OSBP2: variants seen among roughly 807,000 people sequenced by gnomAD.
The protein encoded by OSBP2 is oxysterol binding protein 2, also known as oxysterol-binding protein 2.
In OSBP2, 66 loss-of-function variants were observed where a neutral mutation model predicts 96.0. The observed-to-expected ratio is 0.69, with a 90% confidence interval of 0.56 to 0.84. The LOEUF is 0.84. Ranked by LOEUF, OSBP2 falls within the 40% of genes least tolerant of loss-of-function variation. The pLI, the probability that OSBP2 is intolerant of heterozygous loss-of-function variation, is 0.00. For missense variants in OSBP2, 1,038 were observed against 1,222.7 expected (o/e 0.85, Z 2.25); for synonymous variants, 525 against 520.9 (o/e 1.01, Z -0.11).
intron 2 of OSBP2, among the ~76,000 whole-genome samples, chr22:30,841,331 C>T (rs963343687): frequency 6.6e-6 from 1 of 152,164 alleles, no homozygotes; most frequent in African/African-American, 2.4e-5. Flanking sequence ...TTTCTCCTGA[C>T]CCCTCAACCC....
At chr22:30,884,106 G>A (rs1371352129) in intron 3 of OSBP2, among the ~76,000 whole-genome samples, 1 of 152,138 alleles carries the variant, frequency 6.6e-6, no homozygotes, top group Admixed American at 6.5e-5. Context: ...ACACCCAAGG[G>A]ACAGCCTTAT....
intron 2 of OSBP2, among the ~76,000 whole-genome samples, chr22:30,764,923 T>C (rs530414426): frequency 6.6e-6 from 1 of 152,270 alleles, no homozygotes; most frequent in South Asian, 2.1e-4. Context: ...ACTTCTCTCT[T>C]ACTTTGAGGG....
intron 2 of OSBP2, among the ~76,000 whole-genome samples, chr22:30,752,144 G>A (rs937213195): frequency 6.6e-6 from 1 of 152,138 alleles, no homozygotes; most frequent in Non-Finnish European, 1.5e-5. Flanking sequence ...GCTCACTGCA[G>A]TAGTGATTCT....
At chr22:30,703,893 A>G (rs142267684) in intron 1 of OSBP2, among the ~76,000 whole-genome samples, 44 of 152,344 alleles carry the variant, frequency 2.9e-4, no homozygotes, top group African/African-American at 1.0e-3. Flanking sequence ...ATCCAACTGG[A>G]TAATACAACC....
intron 2 of OSBP2, among the ~76,000 whole-genome samples, chr22:30,825,223 C>T (rs2038372339): frequency 6.6e-6 from 1 of 152,138 alleles, no homozygotes. Context: ...CATGGTGGTT[C>T]ATGCCTGTAA....
chr22:30,888,027 A>G lies in OSBP2; in HGVS notation c.1301-196A>G, dbSNP rs1202779092. Among the ~76,000 whole-genome samples the G allele has an allele frequency of 2.0e-5, 3 of 152,266 alleles. No individual in the cohort carries two copies. The East Asian group carries it at 5.8e-4, about 29-fold the overall frequency. ...TCCAGAAAGAGGCTCCTGTGCGGTGAATGCGTTGAAAGCACATGATTCTAG... is the reference window on the plus strand; with the variant it reads ...TCCAGAAAGAGGCTCCTGTGCGGTGGATGCGTTGAAAGCACATGATTCTAG... On this transcript the variant is annotated intron_variant, in intron 4 of 13. Coordinates refer to ENST00000332585, the MANE Select transcript of OSBP2 (RefSeq NM_030758.4).
Position 30,695,580 on chromosome 22 carries a change from G to A in OSBP2, c.644+27G>A, listed in dbSNP as rs769148344. 3.6e-5 allele frequency: 57 copies of A among 1,581,312 alleles called. No homozygotes were observed. In the African/African-American group the frequency reaches 7.1e-4, roughly 20 times the overall value. On this transcript the variant is annotated intron_variant, in intron 1 of 13. Coordinates refer to ENST00000332585, the MANE Select transcript of OSBP2 (RefSeq NM_030758.4). ...TATGGAAGCGCCAGGGTGGGACATGGGGGTTGGAGGGTGGTGATGCTGCAG... is the reference window on the plus strand; with the variant it reads ...TATGGAAGCGCCAGGGTGGGACATGAGGGTTGGAGGGTGGTGATGCTGCAG...
Position 30,890,139 on chromosome 22 carries a change from C to G in OSBP2, c.1623+503C>G, listed in dbSNP as rs1037344390. Among the ~76,000 whole-genome samples, 8 of 152,198 alleles carry G rather than the reference C, an allele frequency of 5.3e-5. No individual in the cohort carries two copies. Among genetic ancestry groups the G allele is most frequent in the African/African-American group, 1.9e-4 (8 of 41,448 alleles). On this transcript the variant is annotated intron_variant, in intron 7 of 13. Coordinates refer to ENST00000332585, the MANE Select transcript of OSBP2 (RefSeq NM_030758.4). This position sits in a 1 kb window ranked among gnomAD's most constrained non-coding sequence, Gnocchi z 4.4. ...GAACAAGTTCCTTCACATCTCCAGCCTCTGTGTCCACATGTGTAGGGTGGG... is the reference window on the plus strand; with the variant it reads ...GAACAAGTTCCTTCACATCTCCAGCGTCTGTGTCCACATGTGTAGGGTGGG...
chr22:30,737,867 C>T (rs1298223800), intron 1 of OSBP2, among the ~76,000 whole-genome samples: 2 of 152,064 alleles, frequency 1.3e-5, no homozygotes, highest in Admixed American at 6.5e-5. Context: ...CATGCAACCA[C>T]CATGCCCTGC....
intron 2 of OSBP2, among the ~76,000 whole-genome samples, chr22:30,823,210 C>G (rs940993528): frequency 2.0e-5 from 3 of 152,212 alleles, no homozygotes; most frequent in Non-Finnish European, 2.9e-5. Context: ...CTCCCCGTCC[C>G]GTGGTGATCC....
intron 3 of OSBP2, among the ~76,000 whole-genome samples, chr22:30,886,520 G>A (rs2039814004): frequency 6.6e-6 from 1 of 152,142 alleles, no homozygotes; most frequent in Non-Finnish European, 1.5e-5. Flanking sequence ...GGAAGAAAAC[G>A]ATCTAGCTCT....
chr22:30,700,208 C>T (rs1299865394), intron 1 of OSBP2, among the ~76,000 whole-genome samples: 3 of 152,072 alleles, frequency 2.0e-5, no homozygotes, highest in Admixed American at 6.6e-5. Context: ...TCGTGATCCG[C>T]TTGCCTCGGC....
chr22:30,695,048 G>A lies in OSBP2; in HGVS notation c.139G>A (p.Gly47Arg), dbSNP rs2089000666. 2 of 1,590,514 alleles carry A rather than the reference G, an allele frequency of 1.3e-6. No homozygotes were observed. Among genetic ancestry groups the A allele is most frequent in the African/African-American group, 1.3e-5 (1 of 74,240 alleles). ...CATGAGCGCTTCCACGTCCGGCTCC[G>A]GGCCGGAGCCCAAGCCCCAGCCCCA... ...PGMSASTSGSGPEPKPQPQPV... is the reference protein window; with the variant it reads ...PGMSASTSGSRPEPKPQPQPV... The change falls in exon 1 of 14, where the codon GGG becomes AGG. Residue 47 changes from glycine to arginine, a missense_variant. By Grantham distance (125) the Gly-to-Arg change is moderately radical (BLOSUM62 -2). Coordinates refer to ENST00000332585, the MANE Select transcript of OSBP2 (RefSeq NM_030758.4).
intron 3 of OSBP2, among the ~76,000 whole-genome samples, chr22:30,880,368 C>A (rs1260806034): frequency 6.6e-6 from 1 of 152,240 alleles, no homozygotes; most frequent in Non-Finnish European, 1.5e-5. Context: ...CTGGACCAGC[C>A]GCAGATAAGA....
chr22:30,893,483 C>T lies in OSBP2; in HGVS notation c.2011C>T (p.Gln671Ter). The change falls in exon 10 of 14, where the codon CAG (glutamine) becomes TAG (stop). Residue 671 changes from glutamine to a stop codon, truncating the protein, a stop_gained. Transcript: ENST00000332585. LOFTEE classifies it high-confidence loss of function. Reference protein sequence around the residue: ...MPLGAIHLEFQASGNHYVWRK... With the variant: ...MPLGAIHLEF ...TCCAGGTGCCATCCACTTAGAATTCCAGGCCAGTGGGAATCACTACGTGTG... is the reference window on the plus strand; with the variant it reads ...TCCAGGTGCCATCCACTTAGAATTCTAGGCCAGTGGGAATCACTACGTGTG... 1 of 1,614,078 alleles carries T rather than the reference C, an allele frequency of 6.2e-7. No homozygotes were observed. The highest frequency in any genetic ancestry group is 8.5e-7 in the Non-Finnish European group (1 of 1,179,910).
chr22:30,823,204 C>G (rs899332656), intron 2 of OSBP2, among the ~76,000 whole-genome samples: 16 of 152,184 alleles, frequency 1.1e-4, no homozygotes, highest in African/African-American at 3.9e-4. Context: ...CCCTCCCTCC[C>G]CGTCCCGTGG....
intron 1 of OSBP2, among the ~76,000 whole-genome samples, chr22:30,727,207 T>C (rs2089665691): frequency 6.6e-6 from 1 of 152,164 alleles, no homozygotes; most frequent in South Asian, 2.1e-4. Context: ...ATGAACAAGC[T>C]GAGCTTCCTT....
chr22:30,702,183 C>T (rs541315164), intron 1 of OSBP2, among the ~76,000 whole-genome samples: 7 of 152,312 alleles, frequency 4.6e-5, no homozygotes, highest in African/African-American at 1.7e-4. Context: ...TCCCAGTTGC[C>T]GCATCATGGT....
At chr22:30,790,679 A>T (rs900774261) in intron 2 of OSBP2, among the ~76,000 whole-genome samples, 1 of 151,708 alleles carries the variant, frequency 6.6e-6, no homozygotes, top group Non-Finnish European at 1.5e-5. Flanking sequence ...AAGAGGGAGC[A>T]TACTTTATAG....
Sources: allele counts gnomAD v4.1 joint callset (sites outside exome capture counted in the v4.1 genomes callset), GRCh38; gene constraint gnomAD v4.1.1; non-coding constraint Gnocchi (gnomAD v3.1); transcripts MANE v1.5; gene names NCBI Gene and HGNC (gene_info 2026-07-23, HGNC 2026-07-21).